The following RNF115 variants were observed in gnomAD, a reference collection of about 807,000 sequenced individuals.
RNF115 encodes E3 ubiquitin-protein ligase RNF115.
RNF115 carries 31 observed loss-of-function variants against 39.2 expected under a neutral mutation model. That is an observed-to-expected ratio of 0.79 (90% CI 0.59 to 1.07). The LOEUF (loss-of-function observed/expected upper bound fraction) is 1.07. Ranked by LOEUF, RNF115 falls within the 50% of genes least tolerant of loss-of-function variation. The pLI is 0.00. For missense variants in RNF115, 384 were observed against 381.7 expected (o/e 1.01, Z -0.05); for synonymous variants, 124 against 131.0 (o/e 0.95, Z 0.37).
At chr1:145,770,312 A>T (rs181737792) in intron 4 of RNF115, among the ~76,000 whole-genome samples, 1 of 152,360 alleles carries the variant, frequency 6.6e-6, no homozygotes, top group Admixed American at 6.5e-5. Flanking sequence ...ATATGTAATA[A>T]CGCAAGTATA....
rs1300174256 is a variant in RNF115, at chr1:145,745,759, T to C, written c.*1107A>G. The C allele has an allele frequency of 6.6e-6, 1 of 150,574 alleles. No homozygotes were observed. Among genetic ancestry groups the C allele is most frequent in the Non-Finnish European group, 1.5e-5 (1 of 67,750 alleles). The allele number at this position is 150,574 out of a possible 1,614,324, so 9.3% of individuals were successfully genotyped here. The stretch of plus-strand genomic sequence containing the variant: ...CGTGAGCCACCGCGCCCAGCGGTAA[T>C]CATTTTTTAAAATCTCAGAAGCAAA... On this transcript the variant is annotated 3_prime_UTR_variant, in exon 9 of 9. Transcript: ENST00000582693.
Position 145,765,416 on chromosome 1 carries a change from T to TAA in RNF115, c.428+6293_428+6294dup, listed in dbSNP as rs71226772. ...GCGAGAAACACCCAAGAATGATCAA[T>TAA]AAAAAAAAAAAAAATTAAAAAAAAA... On this transcript the variant is annotated intron_variant, in intron 4 of 8. Coordinates refer to ENST00000582693, the MANE Select transcript of RNF115 (RefSeq NM_014455.4). 3.3e-3 allele frequency among the ~76,000 whole-genome samples: 440 copies of TAA among 134,944 alleles called. 5 individuals carry two copies. The East Asian group carries it at 0.062, about 19-fold the overall frequency. 88.5% of individuals were successfully genotyped at this position (134,944 alleles called of 152,430 possible). A position where few individuals can be genotyped will look rare whatever the true frequency, so the allele number is the denominator to read the frequency against.
chr1:145,762,486 T>C (rs1348396941), intron 4 of RNF115, among the ~76,000 whole-genome samples: 1 of 152,184 alleles, frequency 6.6e-6, no homozygotes, highest in Non-Finnish European at 1.5e-5. Flanking sequence ...TCTTGAAAGA[T>C]ATATACAATC....
In RNF115 at chr1:145,821,349, C is replaced by T. The variant is rs1467089273; in HGVS notation, c.102+2423G>A. Among the ~76,000 whole-genome samples the T allele has an allele frequency of 5.4e-5, 7 of 130,764 alleles. 2 individuals are homozygous for T. Among genetic ancestry groups the T allele is most frequent in the South Asian group, 4.8e-4 (2 of 4,170 alleles). 85.8% of individuals were successfully genotyped at this position (130,764 alleles called of 152,430 possible). A position where few individuals can be genotyped will look rare whatever the true frequency, so the allele number is the denominator to read the frequency against. ...AAACTTCTCCAGGCATTAACTAAGGCTTAGAAAAACACCTATTCAGCTTTT... is the reference window on the plus strand; with the variant it reads ...AAACTTCTCCAGGCATTAACTAAGGTTTAGAAAAACACCTATTCAGCTTTT... On this transcript the variant is annotated intron_variant, in intron 1 of 8. Transcript: ENST00000582693.
chr1:145,781,204 G>A (rs1648132164), intron 3 of RNF115, among the ~76,000 whole-genome samples: 1 of 151,964 alleles, frequency 6.6e-6, no homozygotes, highest in African/African-American at 2.4e-5. Flanking sequence ...CTTGGAATAA[G>A]CCTCTTCTAA....
intron 3 of RNF115, among the ~76,000 whole-genome samples, chr1:145,778,406 G>C (rs964541929): frequency 6.6e-6 from 1 of 152,064 alleles, no homozygotes; most frequent in Admixed American, 6.5e-5. Context: ...TAAATCAGTG[G>C]TAATAGTTGT....
intron 4 of RNF115, among the ~76,000 whole-genome samples, chr1:145,769,388 A>G (rs1647531868): frequency 6.6e-6 from 1 of 152,192 alleles, no homozygotes; most frequent in African/African-American, 2.4e-5. Flanking sequence ...TATGTTTTTT[A>G]TACTTTTTAG....
intron 6 of RNF115, 26 bp from the exon 7 acceptor site, chr1:145,750,526 C>T (rs376882223): frequency 4.2e-5 from 66 of 1,578,534 alleles, no homozygotes; most frequent in Admixed American, 6.7e-5. Context: ...AAGAAAAAGA[C>T]GAAGTGGCAG....
intron 1 of RNF115, among the ~76,000 whole-genome samples, chr1:145,802,291 C>T (rs1038434308): frequency 1.3e-5 from 2 of 152,176 alleles, no homozygotes; most frequent in African/African-American, 2.4e-5. Context: ...CTAAGCATAG[C>T]TTAGCCCTGA....
chr1:145,769,601 T>G lies in RNF115; in HGVS notation c.428+2110A>C, dbSNP rs183098525. Among the ~76,000 whole-genome samples, 4 of 152,202 alleles carry G rather than the reference T, an allele frequency of 2.6e-5. No individual in the cohort carries two copies. In the East Asian group the frequency reaches 7.7e-4, roughly 29 times the overall value. On this transcript the variant is annotated intron_variant, in intron 4 of 8. Coordinates refer to ENST00000582693, the MANE Select transcript of RNF115 (RefSeq NM_014455.4). Reference sequence around the variant, plus strand: ...CAGATGGAATTACAGGTAACTTGCATTAAACCTTTAAATAATAGGTAATTC... The same window carrying G: ...CAGATGGAATTACAGGTAACTTGCAGTAAACCTTTAAATAATAGGTAATTC...
chr1:145,770,876 CATACA>C (rs2101529768), intron 4 of RNF115, among the ~76,000 whole-genome samples: 1 of 152,264 alleles, frequency 6.6e-6, no homozygotes, highest in African/African-American at 2.4e-5. Context: ...TACAGTGTCC[CATACA>C]AAAGACACTC....
Position 145,790,114 on chromosome 1 carries a change from A to C in RNF115, c.103-1148T>G, listed in dbSNP as rs1047882167. Among the ~76,000 whole-genome samples the C allele has an allele frequency of 3.5e-4, 53 of 152,246 alleles. 1 individual carries two copies. The highest frequency in any genetic ancestry group is 1.3e-3 in the African/African-American group (53 of 41,552). Reference sequence around the variant, plus strand: ...TGACAGCTGAAAGGTAGAGTGTCAAAGATTTTTTTATTTTAAAATTTAGGT... The same window carrying C: ...TGACAGCTGAAAGGTAGAGTGTCAACGATTTTTTTATTTTAAAATTTAGGT... On this transcript the variant is annotated intron_variant, in intron 1 of 8. Transcript: ENST00000582693.
rs587726908 is a variant in RNF115 at position 145,784,669 on chromosome 1, T to C, written c.162-73A>G. On this transcript the variant is annotated intron_variant, in intron 2 of 8. Coordinates refer to ENST00000582693, the MANE Select transcript of RNF115 (RefSeq NM_014455.4). ...CCCCTCCCAGAAGCTAAATATAGAA[T>C]GGCATAATGAGAACAAAGCCCAATA... 5.1e-5 allele frequency: 68 copies of C among 1,320,902 alleles called. No individual in the cohort carries two copies. In the East Asian group the frequency reaches 1.2e-3, roughly 23 times the overall value. The allele number at this position is 1,320,902 out of a possible 1,614,324, so 81.8% of individuals were successfully genotyped here.
intron 2 of RNF115, among the ~76,000 whole-genome samples, chr1:145,788,266 G>A (rs1199803001): frequency 6.6e-6 from 1 of 152,118 alleles, no homozygotes; most frequent in Non-Finnish European, 1.5e-5. Flanking sequence ...GTTTTTAATG[G>A]AGACGGGGTT....
rs587773979 is a variant in RNF115 at position 145,812,137 on chromosome 1, G to GT, written c.102+11634dup. On this transcript the variant is annotated intron_variant, in intron 1 of 8. Transcript: ENST00000582693. ...TAAGAAAGAGCATGTAACTATAATT[G>GT]TTTTTTCTTTTGAGAATGTAAATTC... 2.4e-3 allele frequency among the ~76,000 whole-genome samples: 360 copies of GT among 147,342 alleles called. 2 individuals are homozygous for GT. The highest frequency in any genetic ancestry group is 8.2e-3 in the African/African-American group (339 of 41,210).
chr1:145,794,125 T>C (rs1648820165), intron 1 of RNF115, among the ~76,000 whole-genome samples: 1 of 152,230 alleles, frequency 6.6e-6, no homozygotes. Flanking sequence ...ATTACAGGCG[T>C]GAGCCACCAC....
chr1:145,800,180 T>C (rs1203693668), intron 1 of RNF115, among the ~76,000 whole-genome samples: 1 of 152,194 alleles, frequency 6.6e-6, no homozygotes, highest in African/African-American at 2.4e-5. Context: ...TGCGGCCATT[T>C]AAAATAAAAG....
intron 1 of RNF115, among the ~76,000 whole-genome samples, chr1:145,800,950 C>T (rs985123573): frequency 2.6e-5 from 4 of 152,030 alleles, no homozygotes; most frequent in Admixed American, 2.6e-4. Flanking sequence ...GCGGGCAGAT[C>T]ACAAAGTCAG....
chr1:145,803,215 A>G (rs1649326049), intron 1 of RNF115, among the ~76,000 whole-genome samples: 1 of 151,728 alleles, frequency 6.6e-6, no homozygotes, highest in South Asian at 2.1e-4. Context: ...CTATTAATAA[A>G]GAAAATCAGT....
Sources: gnomAD v4.1 joint callset for allele counts (sites outside exome capture counted in the v4.1 genomes callset) on GRCh38, gnomAD v4.1.1 for gene constraint, MANE v1.5 for transcripts, NCBI Gene and HGNC (gene_info 2026-07-23, HGNC 2026-07-21) for gene names.